The following REXO1 variants were observed in gnomAD, a reference collection of about 807,000 sequenced individuals.
The protein encoded by REXO1 is RNA exonuclease 1 homolog, also known as REX1, RNA exonuclease 1 homolog.
A neutral mutation model predicts 102.6 loss-of-function variants in REXO1; 42 were observed. That is an observed-to-expected ratio of 0.41 (90% CI 0.32 to 0.53). REXO1 has a LOEUF of 0.53. Ranked by LOEUF, REXO1 falls within the 20% of genes least tolerant of loss-of-function variation. The pLI, the probability that REXO1 is intolerant of heterozygous loss-of-function variation, is 0.27. For missense variants in REXO1, 1,819 were observed against 1,732.5 expected (o/e 1.05, Z -0.89); for synonymous variants, 908 against 779.1 (o/e 1.17, Z -2.76).
In REXO1 at chr19:1,816,824, G is replaced by A. The variant is rs1278456899; in HGVS notation, c.3202-11C>T. On this transcript the variant is annotated splice_polypyrimidine_tract_variant and intron_variant, in intron 12 of 15. Coordinates refer to ENST00000170168, the MANE Select transcript of REXO1 (RefSeq NM_020695.4). The stretch of plus-strand genomic sequence containing the variant: ...ATATGTGGTGTAGGACTGCGGGCAA[G>A]GGATGCACCTCAGATGTGTCCCAGG... 1.3e-6 allele frequency: 2 copies of A among 1,599,678 alleles called. No homozygotes were observed. Among genetic ancestry groups the A allele is most frequent in the East Asian group, 2.2e-5 (1 of 44,772 alleles).
Position 1,815,366 on chromosome 19 carries a change from G to C in REXO1, c.*700C>G, listed in dbSNP as rs546477793. On this transcript the variant is annotated 3_prime_UTR_variant, in exon 16 of 16. Coordinates refer to ENST00000170168, the MANE Select transcript of REXO1 (RefSeq NM_020695.4). The surrounding 1 kb of genome is among the most constrained non-coding windows in gnomAD (Gnocchi z 4.0). ...GAAGACAGTGTCCGGAGGCCGGTGGGCTCCCTCTAGACGGCAGACCCTGGG... is the reference window on the plus strand; with the variant it reads ...GAAGACAGTGTCCGGAGGCCGGTGGCCTCCCTCTAGACGGCAGACCCTGGG... 1 of 158,002 alleles carries C rather than the reference G, an allele frequency of 6.3e-6. No individual in the cohort carries two copies. Among genetic ancestry groups the C allele is most frequent in the South Asian group, 1.9e-4 (1 of 5,370 alleles). 9.8% of individuals were successfully genotyped at this position (158,002 alleles called of 1,614,324 possible). A position where few individuals can be genotyped will look rare whatever the true frequency, so the allele number is the denominator to read the frequency against.
intron 4 of REXO1, chr19:1,822,573 G>A (rs566018703): frequency 1.3e-5 from 2 of 152,380 alleles, no homozygotes; most frequent in Admixed American, 6.5e-5. Context: ...AGGGCACTGC[G>A]ACAGCTCAGC....
At chr19:1,817,593 G>A (rs1555816692) in intron 11 of REXO1, 114 bp downstream of exon 11, 12 of 1,427,190 alleles carry the variant, frequency 8.4e-6, no homozygotes, top group South Asian at 2.7e-5. Flanking sequence ...AAGGCTGCCC[G>A]GGGGCCCAGA....
At chr19:1,823,224 C>T in intron 4 of REXO1, 2 of 289,890 alleles carry the variant, frequency 6.9e-6, no homozygotes, top group Non-Finnish European at 1.3e-5. Flanking sequence ...GAGAAAGCCA[C>T]ACCTGCAGAA....
intron 1 of REXO1, among the ~76,000 whole-genome samples, chr19:1,845,304 G>A (rs925937919): frequency 2.0e-5 from 3 of 152,188 alleles, no homozygotes; most frequent in Non-Finnish European, 4.4e-5. Flanking sequence ...AGGGCTACAC[G>A]GTGCCCGCCG....
rs150643319 is a variant in REXO1 at position 1,820,731 on chromosome 19, G to A, written c.2395-336C>T. Among the ~76,000 whole-genome samples, 74 of 152,340 alleles carry A rather than the reference G, an allele frequency of 4.9e-4. No individual in the cohort carries two copies. In the East Asian group the frequency reaches 0.011, roughly 22 times the overall value. Reference sequence around the variant, plus strand: ...AACAAGGCCAAGCGTGGTGGCTCACGCCTATAATCCCAGCACTTTGGGAGG... The same window carrying A: ...AACAAGGCCAAGCGTGGTGGCTCACACCTATAATCCCAGCACTTTGGGAGG... On this transcript the variant is annotated intron_variant, in intron 5 of 15. Coordinates refer to ENST00000170168, the MANE Select transcript of REXO1 (RefSeq NM_020695.4).
chr19:1,829,387 C>T (rs898224158), intron 1 of REXO1, among the ~76,000 whole-genome samples: 2 of 147,204 alleles, frequency 1.4e-5, no homozygotes, highest in African/African-American at 4.9e-5. Context: ...TACAGGCGTG[C>T]GCCATCACAC....
In REXO1 at chr19:1,820,328, T is replaced by C. The variant is rs760467753; in HGVS notation, c.2462A>G (p.Tyr821Cys). 10 of 1,613,948 alleles carry C rather than the reference T, an allele frequency of 6.2e-6. No homozygotes were observed. The highest frequency in any genetic ancestry group is 7.6e-6 in the Non-Finnish European group (9 of 1,179,972). Residue 821 changes from tyrosine (Y) to cysteine (C), a missense_variant, in exon 6 of 16, where the codon TAT becomes TGT. Coordinates refer to ENST00000170168, the MANE Select transcript of REXO1 (RefSeq NM_020695.4). Reference protein sequence around the residue: ...GKVPTVIRQRYLNLFIEECLK... With the variant: ...GKVPTVIRQRCLNLFIEECLK... ...ACACTCCTCGATGAACAGGTTGAGA[T>C]AGCGCTGGCGGATGACGGTGGGGAC...
Position 1,823,776 on chromosome 19 carries a change from G to A in REXO1, c.2026C>T (p.Pro676Ser). 1 of 1,244,092 alleles carries A rather than the reference G, an allele frequency of 8.0e-7. No homozygotes were observed. Among genetic ancestry groups the A allele is most frequent in the Non-Finnish European group, 1.0e-6 (1 of 986,092 alleles). The allele number at this position is 1,244,092 out of a possible 1,614,324, so 77.1% of individuals were successfully genotyped here. ...LSKQGQEVEP[P>S]RRGPAVPPAR... ...GGGGGCACCGCGGGACCCCTCCTCG[G>A]GGGCTCCACCTGCGTCACCACAAAT... The change falls in exon 4 of 16, where the codon CCG becomes TCG. Residue 676 changes from proline (P) to serine (S), a missense_variant. Physicochemically the swap from Pro to Ser is moderately conservative, Grantham distance 74 (BLOSUM62 -1). Transcript: ENST00000170168.
In REXO1 at chr19:1,816,548, A is replaced by G. The variant is rs775562047; in HGVS notation, c.3339T>C (p.Ala1113=). ...YNTRFSGVTE[A]DLADTSVTLR... is the part of the protein sequence containing the mutation. ...GCGTGACACTTGTGTCGGCAAGGTC[A>G]GCCTCCGTCACCCCCGAAAACCTGG... is the stretch of plus-strand genomic sequence containing the variant. Residue 1113 remains alanine (A), a synonymous_variant, in exon 14 of 16, where the codon GCT becomes GCC. Coordinates refer to ENST00000170168, the MANE Select transcript of REXO1 (RefSeq NM_020695.4). 5.1e-6 allele frequency: 8 copies of G among 1,562,328 alleles called. No individual in the cohort carries two copies. Among genetic ancestry groups the G allele is most frequent in the Admixed American group, 1.7e-5 (1 of 58,104 alleles).
intron 3 of REXO1, among the ~76,000 whole-genome samples, chr19:1,825,015 G>A (rs2069667497): frequency 6.7e-6 from 1 of 149,670 alleles, no homozygotes; most frequent in African/African-American, 2.4e-5. Flanking sequence ...TCGAACTCCT[G>A]ACCTCGTGAT....
intron 1 of REXO1, among the ~76,000 whole-genome samples, chr19:1,830,419 G>T (rs2069870945): frequency 6.6e-6 from 1 of 152,246 alleles, no homozygotes; most frequent in African/African-American, 2.4e-5. Context: ...TAAAGTGGGA[G>T]AATCACTTGA....
rs751677910 is a variant in REXO1, at chr19:1,848,189, G to A, written c.157+13C>T. ...GGAGCCGAGCCCAAGGCAAGCAGGC[G>A]GGCGGGCATTACCTGCTGCGGGGGG... On this transcript the variant is annotated intron_variant, in intron 1 of 15. Transcript: ENST00000170168. 8.4e-5 allele frequency: 101 copies of A among 1,196,048 alleles called. No individual in the cohort carries two copies. Among genetic ancestry groups the A allele is most frequent in the South Asian group, 7.9e-4 (19 of 24,076 alleles). 74.1% of individuals were successfully genotyped at this position (1,196,048 alleles called of 1,614,324 possible).
At chr19:1,819,602 C>T (rs969754313) in intron 7 of REXO1, among the ~76,000 whole-genome samples, 22 of 152,218 alleles carry the variant, frequency 1.4e-4, no homozygotes, top group Admixed American at 3.9e-4. Context: ...CGCTTTCTTC[C>T]TCCCCAGAGC....
At chr19:1,820,140 G>A in intron 6 of REXO1, 83 bp from the exon 7 acceptor site, 1 of 1,566,416 alleles carries the variant, frequency 6.4e-7, no homozygotes, top group Non-Finnish European at 8.6e-7. Flanking sequence ...TGGGGTCGGG[G>A]ACTTGCATCT....
rs1599162741 is a variant in REXO1, at chr19:1,836,736, A to T, written c.158-8105T>A. ...ACTGCAGCCTGGGCAACAGAGCAAGACTGTCTCAAAAAAAAAAAAAAAAAA... is the reference window on the plus strand; with the variant it reads ...ACTGCAGCCTGGGCAACAGAGCAAGTCTGTCTCAAAAAAAAAAAAAAAAAA... On this transcript the variant is annotated intron_variant, in intron 1 of 15. Coordinates refer to ENST00000170168, the MANE Select transcript of REXO1 (RefSeq NM_020695.4). Among the ~76,000 whole-genome samples the T allele has an allele frequency of 1.5e-5, 2 of 131,552 alleles. 1 individual carries two copies. Among genetic ancestry groups the T allele is most frequent in the Admixed American group, 1.5e-4 (2 of 13,068 alleles). The allele number at this position is 131,552 out of a possible 152,430, so 86.3% of individuals were successfully genotyped here. A position where few individuals can be genotyped will look rare whatever the true frequency, so the allele number is the denominator to read the frequency against.
chr19:1,820,647 C>G (rs1286906984), intron 5 of REXO1, among the ~76,000 whole-genome samples: 1 of 152,204 alleles, frequency 6.6e-6, no homozygotes, highest in East Asian at 1.9e-4. Context: ...ACTTTCTGCT[C>G]AATTTTCCTA....
chr19:1,845,776 G>C (rs1214136160), intron 1 of REXO1, among the ~76,000 whole-genome samples: 2 of 152,166 alleles, frequency 1.3e-5, no homozygotes, highest in African/African-American at 4.8e-5. Flanking sequence ...CGCTGAGCCT[G>C]TGACCCAGGG....
chr19:1,819,982 G>A lies in REXO1; in HGVS notation c.2602C>T (p.Leu868Phe). The change falls in exon 7 of 16, where the codon CTC (leucine) becomes TTC (phenylalanine). Residue 868 changes from leucine (L) to phenylalanine (F), a missense_variant. Transcript: ENST00000170168. ...NIYLNVAVNT[L>F]KKLRGLAPSA... ...GGGGCCAGGCCCCTGAGCTTCTTGA[G>A]GGTGTTCACGGCCACATTCAGGTAG... is the stretch of plus-strand genomic sequence containing the variant. 5.6e-6 allele frequency: 9 copies of A among 1,596,258 alleles called. No individual in the cohort carries two copies. The highest frequency in any genetic ancestry group is 7.7e-6 in the Non-Finnish European group (9 of 1,174,474).
Sources: allele counts gnomAD v4.1 joint callset (sites outside exome capture counted in the v4.1 genomes callset), GRCh38; gene constraint gnomAD v4.1.1; non-coding constraint Gnocchi (gnomAD v3.1); transcripts MANE v1.5; gene names NCBI Gene and HGNC (gene_info 2026-07-23, HGNC 2026-07-21).